PPA1: variants seen among roughly 807,000 people sequenced by gnomAD.
PPA1 encodes inorganic pyrophosphatase 1.
In PPA1, 23 loss-of-function variants were observed where a neutral mutation model predicts 41.8. The ratio of observed to expected loss-of-function variants is 0.55; its 90% CI spans 0.40 to 0.78. PPA1 has a LOEUF of 0.78. Among genes scored for constraint, PPA1 ranks in the 30% least tolerant of loss-of-function variants. PPA1 has a pLI of 0.00. For synonymous variants in PPA1, 101 were observed against 116.8 expected (o/e 0.86, Z 0.87); for missense variants, 320 against 361.6 (o/e 0.89, Z 0.93).
chr10:70,205,590 G>A (rs76735333), intron 9 of PPA1: 13 of 151,810 alleles, frequency 8.6e-5, no homozygotes, highest in East Asian at 7.7e-4. Flanking sequence ...CAACTTTGTC[G>A]GGATTCATAC....
At chr10:70,224,495 C>T (rs1230939032) in intron 2 of PPA1, among the ~76,000 whole-genome samples, 4 of 152,132 alleles carry the variant, frequency 2.6e-5, no homozygotes, top group Non-Finnish European at 5.9e-5. Flanking sequence ...ATATTAATCA[C>T]AGTAGTATGG....
chr10:70,222,751 G>A (rs1248468656), intron 2 of PPA1, among the ~76,000 whole-genome samples: 2 of 152,064 alleles, frequency 1.3e-5, no homozygotes, highest in African/African-American at 4.8e-5. Context: ...ATGTATACAT[G>A]TGCCATGTTG....
At chr10:70,230,626 T>C (rs4746980) in intron 1 of PPA1, among the ~76,000 whole-genome samples, 135,760 of 152,084 alleles carry the variant, frequency 0.89, 60,770 homozygotes, top group East Asian at 1. Context: ...AGCCACTACG[T>C]CTGGCTAATT....
chr10:70,221,005 CATATATATAATTTATATATATAAT>C (rs1840152606), intron 2 of PPA1, among the ~76,000 whole-genome samples: 1 of 42,546 alleles, frequency 2.4e-5, no homozygotes, highest in Non-Finnish European at 3.7e-5. Flanking sequence ...ATATATATAA[CATATATATAATTTATATATATAAT>C]ATATATATAA....
intron 2 of PPA1, among the ~76,000 whole-genome samples, chr10:70,223,984 AAAG>A (rs1435360337): frequency 2.6e-5 from 4 of 152,188 alleles, no homozygotes; most frequent in African/African-American, 9.6e-5. Context: ...CAGTTTCAGA[AAAG>A]AAGGAAGTTA....
Position 70,209,691 on chromosome 10 carries a change from A to C in PPA1, c.512-6T>G, listed in dbSNP as rs376492603. On this transcript the variant is annotated splice_polypyrimidine_tract_variant and splice_region_variant and intron_variant, in intron 6 of 10. Transcript: ENST00000373232. ...CCGTTTGACATCATTGATATCTAAG[A>C]AGAGAAGAAGCATAAGATGACAGTG... 1 of 1,584,520 alleles carries C rather than the reference A, an allele frequency of 6.3e-7. No individual in the cohort carries two copies. Among genetic ancestry groups the C allele is most frequent in the Non-Finnish European group, 8.6e-7 (1 of 1,161,266 alleles).
At chr10:70,218,885 T>C (rs1325885392) in intron 2 of PPA1, 68 bp from the exon 3 acceptor site, 40 of 1,150,848 alleles carry the variant, frequency 3.5e-5, no homozygotes, top group East Asian at 7.4e-5. Flanking sequence ...GCATGCACTA[T>C]TTCTTCCAAA....
rs375388902 is a variant in PPA1 at position 70,224,546 on chromosome 10, G to A, written c.124-5729C>T. Among the ~76,000 whole-genome samples, 14 of 152,242 alleles carry A rather than the reference G, an allele frequency of 9.2e-5. No individual in the cohort carries two copies. In the South Asian group the frequency reaches 2.7e-3, roughly 29 times the overall value. The stretch of plus-strand genomic sequence containing the variant: ...TCTCCAAACTGGTTAGGGTCTTATG[G>A]ACCAAGTCAGTAGTCTGACAAGTTG... On this transcript the variant is annotated intron_variant, in intron 2 of 10. Coordinates refer to ENST00000373232, the MANE Select transcript of PPA1 (RefSeq NM_021129.4).
Position 70,233,303 on chromosome 10 carries a change from G to A in PPA1, c.25C>T (p.Arg9Cys), listed in dbSNP as rs1452868934. 8 of 1,541,372 alleles carry A rather than the reference G, an allele frequency of 5.2e-6. No individual in the cohort carries two copies. The highest frequency in any genetic ancestry group is 2.4e-5 in the South Asian group (2 of 82,886). The part of the protein sequence containing the change: MSGFSTEE[R>C]AAPFSLEYRV... The stretch of plus-strand genomic sequence containing the variant: ...TACTCCAGGGAGAAGGGCGCGGCGC[G>A]CTCCTCGGTGCTGAAGCCGCTCATA... The change falls in exon 1 of 11, where the codon CGC (arginine) becomes TGC (cysteine). Residue 9 changes from arginine to cysteine, a missense_variant. Arg to Cys is a radical substitution (Grantham distance 180). Coordinates refer to ENST00000373232, the MANE Select transcript of PPA1 (RefSeq NM_021129.4).
rs1442874299 is a variant in PPA1 at position 70,218,828 on chromosome 10, A to G, written c.124-11T>C. On this transcript the variant is annotated splice_polypyrimidine_tract_variant and intron_variant, in intron 2 of 10. Transcript: ENST00000373232. ...CATGTGAAACACATCCTGAAAAAAC[A>G]AAGAGAAAGTGAGATGGTCACAGGA... is the stretch of plus-strand genomic sequence containing the variant. 6.2e-7 allele frequency: 1 copy of G among 1,609,136 alleles called. No individual in the cohort carries two copies. The highest frequency in any genetic ancestry group is 1.3e-5 in the African/African-American group (1 of 74,790).
chr10:70,204,804 A>G (rs1839918959), intron 10 of PPA1, 69 bp downstream of exon 10: 1 of 1,264,268 alleles, frequency 7.9e-7, no homozygotes. Context: ...TCAACTAAAA[A>G]TAAAAGTAAC....
intron 2 of PPA1, among the ~76,000 whole-genome samples, chr10:70,225,298 A>T (rs893516265): frequency 1.3e-5 from 2 of 151,740 alleles, no homozygotes; most frequent in Non-Finnish European, 2.9e-5. Context: ...GCTCACTGCA[A>T]CCTCCGTCTC....
At chr10:70,222,897 T>C (rs1174201946) in intron 2 of PPA1, among the ~76,000 whole-genome samples, 1 of 140,196 alleles carries the variant, frequency 7.1e-6, no homozygotes, top group Non-Finnish European at 1.5e-5. Context: ...CGTGTTCTCA[T>C]TGTTCAATTC....
chr10:70,226,529 T>G (rs1038628944), intron 2 of PPA1, among the ~76,000 whole-genome samples: 3 of 151,446 alleles, frequency 2.0e-5, no homozygotes, highest in African/African-American at 7.3e-5. Flanking sequence ...ACTGCATGGG[T>G]GACAGAGTGA....
At chr10:70,215,981 A>G (rs1840076321) in intron 4 of PPA1, among the ~76,000 whole-genome samples, 1 of 152,222 alleles carries the variant, frequency 6.6e-6, no homozygotes, top group South Asian at 2.1e-4. Context: ...TAGCTGTTGC[A>G]TTGGTTCTTT....
intron 10 of PPA1, chr10:70,204,153 TTAG>T (rs1402514198): frequency 1.3e-5 from 2 of 151,644 alleles, no homozygotes; most frequent in East Asian, 3.9e-4. Context: ...CCCGGCCTGA[TTAG>T]TGTTCAAGAC....
intron 2 of PPA1, among the ~76,000 whole-genome samples, chr10:70,226,732 A>G (rs553368949): frequency 5.9e-5 from 9 of 152,302 alleles, no homozygotes; most frequent in African/African-American, 1.7e-4. Context: ...CTGTTTTGCA[A>G]TGACTAATAA....
intron 2 of PPA1, among the ~76,000 whole-genome samples, chr10:70,221,707 A>G (rs1045436779): frequency 7.9e-5 from 12 of 152,188 alleles, no homozygotes; most frequent in African/African-American, 2.7e-4. Context: ...AAAGATTCAC[A>G]AGATGGAGCT....
intron 8 of PPA1, among the ~76,000 whole-genome samples, chr10:70,208,650 T>A (rs972314257): frequency 6.6e-6 from 1 of 152,118 alleles, no homozygotes; most frequent in Non-Finnish European, 1.5e-5. Flanking sequence ...CTCTTAGGAC[T>A]GTACATTTTT....
Sources: gnomAD v4.1 joint callset for allele counts (sites outside exome capture counted in the v4.1 genomes callset) on GRCh38, gnomAD v4.1.1 for gene constraint, MANE v1.5 for transcripts, NCBI Gene and HGNC (gene_info 2026-07-23, HGNC 2026-07-21) for gene names.